The following GCSH variants were observed in gnomAD, a reference collection of about 807,000 sequenced individuals.
The protein encoded by GCSH is glycine cleavage system H protein, mitochondrial.
In GCSH, 15 loss-of-function variants were observed where a neutral mutation model predicts 21.3. The observed-to-expected ratio is 0.70, with a 90% CI of 0.47 to 1.08. The LOEUF is 1.08. Among genes scored for constraint, GCSH ranks in the 50% least tolerant of loss-of-function variants. The probability of loss-of-function intolerance (pLI) is 0.00; values close to 1 mark genes in which losing one functional copy is unlikely to be tolerated. For missense variants in GCSH, 179 were observed against 217.5 expected (o/e 0.82, Z 1.11); for synonymous variants, 59 against 84.5 (o/e 0.70, Z 1.66).
At chr16:81,084,707 ATTTC>A in intron 3 of GCSH, 113 bp from the exon 4 acceptor site, 2 of 804,476 alleles carry the variant, frequency 2.5e-6, no homozygotes, top group Non-Finnish European at 3.9e-6. Flanking sequence ...AAAATTCCAA[ATTTC>A]TTTTTTTTTT....
At chr16:81,095,658 T>G (rs1019000598) in intron 1 of GCSH, among the ~76,000 whole-genome samples, 3 of 52,230 alleles carry the variant, frequency 5.7e-5, no homozygotes, top group African/African-American at 1.6e-4. Context: ...CCCTGCCTGG[T>G]GCTTTAATTT....
chr16:81,082,970 C>G lies in GCSH; in HGVS notation c.425-7G>C, dbSNP rs1026365227. ...GTCATCTTGATCAGCCAACCTGCAACCAAAAGACAACCTTATATTCCACAT... is the reference window on the plus strand; with the variant it reads ...GTCATCTTGATCAGCCAACCTGCAAGCAAAAGACAACCTTATATTCCACAT... On this transcript the variant is annotated splice_region_variant and splice_polypyrimidine_tract_variant and intron_variant, in intron 4 of 4. Coordinates refer to ENST00000315467, the MANE Select transcript of GCSH (RefSeq NM_004483.5). The G allele has an allele frequency of 5.8e-6, 9 of 1,546,248 alleles. No individual in the cohort carries two copies. The highest frequency in any genetic ancestry group is 8.0e-6 in the Non-Finnish European group (9 of 1,118,258).
intron 1 of GCSH, among the ~76,000 whole-genome samples, chr16:81,093,433 G>T (rs1182895981): frequency 6.6e-6 from 1 of 152,112 alleles, no homozygotes; most frequent in Non-Finnish European, 1.5e-5. Flanking sequence ...ATTACTAATT[G>T]TAATTAGTAC....
At chr16:81,085,120 T>C (rs894236638) in intron 3 of GCSH, among the ~76,000 whole-genome samples, 10 of 148,026 alleles carry the variant, frequency 6.8e-5, no homozygotes, top group African/African-American at 2.5e-4. Flanking sequence ...GTTCAAGCCA[T>C]TCTCCTGCCT....
In GCSH at chr16:81,096,371, G is replaced by C. The variant is rs921222282; in HGVS notation, c.-93C>G. 2 of 1,091,484 alleles carry C rather than the reference G, an allele frequency of 1.8e-6. No homozygotes were observed. The highest frequency in any genetic ancestry group is 2.4e-6 in the Non-Finnish European group (2 of 828,796). The allele number at this position is 1,091,484 out of a possible 1,614,324, so 67.6% of individuals were successfully genotyped here. A position where few individuals can be genotyped will look rare whatever the true frequency, so the allele number is the denominator to read the frequency against. The stretch of plus-strand genomic sequence containing the variant: ...GGGCAGTTCGCGGCCGGAGGGAGCC[G>C]GCTGGATGGAGGCGCGGAGGCGGTG... On this transcript the variant is annotated 5_prime_UTR_variant, in exon 1 of 5. Transcript: ENST00000315467.
intron 1 of GCSH, chr16:81,091,081 G>C: frequency 2.2e-6 from 1 of 455,924 alleles, no homozygotes; most frequent in Non-Finnish European, 4.4e-6. Context: ...GCAGCATAAA[G>C]ATGGCTCATA....
intron 3 of GCSH, among the ~76,000 whole-genome samples, chr16:81,087,170 A>G (rs1972298405): frequency 6.6e-6 from 1 of 151,962 alleles, no homozygotes; most frequent in African/African-American, 2.4e-5. Context: ...AGTTCCAGCA[A>G]TTCTCCTGTC....
chr16:81,086,392 T>A (rs535913365), intron 3 of GCSH, among the ~76,000 whole-genome samples: 55 of 151,506 alleles, frequency 3.6e-4, no homozygotes, highest in African/African-American at 1.2e-3. Flanking sequence ...ATAAATAAAT[T>A]AATTAATTTA....
At chr16:81,095,875 G>A (rs975170726) in intron 1 of GCSH, among the ~76,000 whole-genome samples, 1 of 152,098 alleles carries the variant, frequency 6.6e-6, no homozygotes, top group Non-Finnish European at 1.5e-5. Context: ...CCCCGCCTCG[G>A]TGTCCCGCAG....
At position 81,082,093 on chromosome 16, in the gene GCSH, C is replaced by A; in HGVS notation, c.*773G>T. On this transcript the variant is annotated 3_prime_UTR_variant, in exon 5 of 5. Transcript: ENST00000315467. Reference sequence around the variant, plus strand: ...TGTCTTTCCTCTTCTTTCTTCAGACCTCGCATGATAGAAAATCAAAGTTGG... The same window carrying A: ...TGTCTTTCCTCTTCTTTCTTCAGACATCGCATGATAGAAAATCAAAGTTGG... The A allele has an allele frequency of 2.2e-6, 1 of 454,050 alleles. No individual in the cohort carries two copies. The highest frequency in any genetic ancestry group is 4.4e-6 in the Non-Finnish European group (1 of 226,786). The allele number at this position is 454,050 out of a possible 1,614,324, so 28.1% of individuals were successfully genotyped here.
At chr16:81,084,376 G>T in intron 4 of GCSH, 87 bp downstream of exon 4, 3 of 1,016,072 alleles carry the variant, frequency 3.0e-6, no homozygotes, top group Non-Finnish European at 3.1e-6. Context: ...AAAAGATGAA[G>T]TCACAATCAG....
rs751525503 is a variant in GCSH at position 81,082,825 on chromosome 16, G to C, written c.*41C>G. On this transcript the variant is annotated 3_prime_UTR_variant, in exon 5 of 5. Transcript: ENST00000315467. ...CCACTAATTTAAGACAACTCTGCTG[G>C]CTTGCGTTATTTCATACTAGTTTAT... The C allele has an allele frequency of 1.0e-5, 9 of 882,576 alleles. No homozygotes were observed. The highest frequency in any genetic ancestry group is 1.7e-5 in the Non-Finnish European group (9 of 520,894). The allele number at this position is 882,576 out of a possible 1,614,324, so 54.7% of individuals were successfully genotyped here.
At chr16:81,084,416 A>G in intron 4 of GCSH, 47 bp downstream of exon 4, 1 of 1,416,872 alleles carries the variant, frequency 7.1e-7, no homozygotes, top group Non-Finnish European at 1.0e-6. Flanking sequence ...TAGATAAAAT[A>G]TTTACTGTAG....
chr16:81,089,520 CATACA>C (rs1300486025), intron 2 of GCSH, among the ~76,000 whole-genome samples: 1 of 152,088 alleles, frequency 6.6e-6, no homozygotes, highest in Non-Finnish European at 1.5e-5. Flanking sequence ...AAGGCTGTAC[CATACA>C]GCCAAGGTGT....
intron 3 of GCSH, among the ~76,000 whole-genome samples, chr16:81,086,451 G>C (rs1972281872): frequency 6.6e-6 from 1 of 152,012 alleles, no homozygotes; most frequent in South Asian, 2.1e-4. Context: ...CAGCTACTTG[G>C]GTGGCTGAAA....
rs543878610 is a variant in GCSH at position 81,087,643 on chromosome 16, A to G, written c.250T>C (p.Tyr84His). The change falls in exon 3 of 5, where the codon TAT (tyrosine) becomes CAT (histidine). Residue 84 changes from tyrosine (Y) to histidine (H), a missense_variant. Transcript: ENST00000315467. ...GTCCCAACTTCAGGGAGACTACAAT[A>G]AACAACATCTCCCAACGCTTCCTAA... is the stretch of plus-strand genomic sequence containing the variant. ...FAQEALGDVVYCSLPEVGTKL... is the reference protein window; with the variant it reads ...FAQEALGDVVHCSLPEVGTKL... The G allele has an allele frequency of 2.4e-5, 39 of 1,611,966 alleles. No individual in the cohort carries two copies. Among genetic ancestry groups the G allele is most frequent in the Non-Finnish European group, 3.2e-5 (38 of 1,178,324 alleles).
At chr16:81,095,154 A>G (rs1477594180) in intron 1 of GCSH, among the ~76,000 whole-genome samples, 1 of 152,102 alleles carries the variant, frequency 6.6e-6, no homozygotes, top group Admixed American at 6.6e-5. Context: ...GTGCTGAAGT[A>G]GCACAAATGG....
intron 3 of GCSH, among the ~76,000 whole-genome samples, chr16:81,084,825 C>T (rs527716222): frequency 6.6e-6 from 1 of 151,696 alleles, no homozygotes; most frequent in East Asian, 1.9e-4. Flanking sequence ...CATTCTCCTG[C>T]CTCAGCCTCC....
intron 1 of GCSH, among the ~76,000 whole-genome samples, chr16:81,092,114 G>A (rs952133216): frequency 1.3e-5 from 2 of 152,120 alleles, no homozygotes; most frequent in Non-Finnish European, 2.9e-5. Context: ...ACTGTGTTTT[G>A]ACTGAAAGAC....
Sources: allele counts gnomAD v4.1 joint callset (sites outside exome capture counted in the v4.1 genomes callset), GRCh38; gene constraint gnomAD v4.1.1; transcripts MANE v1.5; gene names NCBI Gene and HGNC (gene_info 2026-07-23, HGNC 2026-07-21).